NOMO3: variants seen among roughly 807,000 people sequenced by gnomAD.
The protein encoded by NOMO3 is BOS complex subunit NOMO3.
A neutral mutation model predicts 69.9 loss-of-function variants in NOMO3; 15 were observed. The observed-to-expected ratio is 0.21, with a 90% confidence interval of 0.14 to 0.33. NOMO3 has a LOEUF of 0.33. NOMO3 is among the 10% of genes least tolerant of loss of function. NOMO3 has a pLI of 1.00. For missense variants in NOMO3, 218 were observed against 761.0 expected, an observed-to-expected ratio of 0.29 and a Z score of 8.39; for synonymous variants, 89 against 301.9, an observed-to-expected ratio of 0.29 and a Z score of 7.31.
intron 15 of NOMO3, among the ~76,000 whole-genome samples, chr16:16,266,302 T>C (rs1326232057): frequency 7.5e-6 from 1 of 132,808 alleles, no homozygotes; most frequent in Non-Finnish European, 1.5e-5. Context: ...TCGATTAATA[T>C]CCGGTTCATA....
At position 16,255,705 on chromosome 16, in the gene NOMO3, T is replaced by G; in HGVS notation, c.964-15T>G. ...AGGAGCACCTTCGAGCACCTTCTTGTTCTTTGTTTTCTAGCCCGTGTTCCA... is the reference window on the plus strand; with the variant it reads ...AGGAGCACCTTCGAGCACCTTCTTGGTCTTTGTTTTCTAGCCCGTGTTCCA... On this transcript the variant is annotated splice_polypyrimidine_tract_variant and intron_variant, in intron 9 of 30. Transcript: ENST00000399336. 1 of 1,593,094 alleles carries G rather than the reference T, an allele frequency of 6.3e-7. No individual in the cohort carries two copies. Among genetic ancestry groups the G allele is most frequent in the Non-Finnish European group, 8.5e-7 (1 of 1,178,030 alleles).
chr16:16,258,409 A>T (rs1409084731), intron 11 of NOMO3, among the ~76,000 whole-genome samples: 1 of 135,648 alleles, frequency 7.4e-6, no homozygotes, highest in Non-Finnish European at 1.5e-5. Flanking sequence ...GATCTTCCCT[A>T]GTAGAGAAGC....
chr16:16,242,202 TGTG>T (rs2049379513), intron 3 of NOMO3, among the ~76,000 whole-genome samples: 1 of 52,944 alleles, frequency 1.9e-5, no homozygotes, highest in African/African-American at 1.1e-4. Context: ...TTGGAGTCTT[TGTG>T]TGTGTGTGTG....
At chr16:16,257,733 G>A (rs1216782545) in intron 11 of NOMO3, among the ~76,000 whole-genome samples, 2 of 143,504 alleles carry the variant, frequency 1.4e-5, no homozygotes, top group African/African-American at 5.7e-5. Context: ...AGGGAGCTGG[G>A]CCCTGGTGAA....
chr16:16,238,072 A>G (rs2141246170), intron 2 of NOMO3, among the ~76,000 whole-genome samples: 3 of 138,048 alleles, frequency 2.2e-5, no homozygotes, highest in South Asian at 4.7e-4. Flanking sequence ...GTCAATACAC[A>G]TAGTTTTGAT....
chr16:16,265,670 A>ATTT (rs59243746), intron 15 of NOMO3, among the ~76,000 whole-genome samples: 202 of 16,722 alleles, frequency 0.012, 23 homozygotes, highest in East Asian at 0.02. Context: ...ATATATATAT[A>ATTT]TTTTTTTTTT....
At chr16:16,265,215 G>A (rs2049601091) in intron 15 of NOMO3, 36 bp downstream of exon 15, 2 of 1,588,764 alleles carry the variant, frequency 1.3e-6, no homozygotes, top group Non-Finnish European at 1.7e-6. Flanking sequence ...ATTTGGAAAA[G>A]CGCTTGCCTT....
In NOMO3 at chr16:16,252,828, ATTTTTTTTTT is replaced by A. The variant is rs1180588275; in HGVS notation, c.963+320_963+329del. ...AAAAATTCTTGTCCCTGTGGACCTC[ATTTTTTTTTT>A]TTTTTTTTTTTTTAAGACAGGGTCT... is the stretch of plus-strand genomic sequence containing the variant. On this transcript the variant is annotated intron_variant, in intron 9 of 30. Transcript: ENST00000399336. Among the ~76,000 whole-genome samples, 43 of 66,676 alleles carry A rather than the reference ATTTTTTTTTT, an allele frequency of 6.4e-4. 4 individuals carry two copies. The South Asian group carries it at 0.017, about 26-fold the overall frequency. The allele number at this position is 66,676 out of a possible 152,430, so 43.7% of individuals were successfully genotyped here. A position where few individuals can be genotyped will look rare whatever the true frequency, so the allele number is the denominator to read the frequency against.
Position 16,237,732 on chromosome 16 carries a change from T to C in NOMO3, c.255+742T>C, listed in dbSNP as rs1341625522. 1.4e-5 allele frequency among the ~76,000 whole-genome samples: 2 copies of C among 143,926 alleles called. 1 individual carries two copies. Among genetic ancestry groups the C allele is most frequent in the African/African-American group, 5.6e-5 (2 of 35,612 alleles). The allele number at this position is 143,926 out of a possible 152,430, so 94.4% of individuals were successfully genotyped here. A position where few individuals can be genotyped will look rare whatever the true frequency, so the allele number is the denominator to read the frequency against. ...CCCAGCTAATGTTTTGTATTTTTAA[T>C]AGTGATGGGGTTTTGCCATGTTGGC... On this transcript the variant is annotated intron_variant, in intron 2 of 30. Transcript: ENST00000399336.
At chr16:16,239,038 A>G (rs2049353619) in intron 2 of NOMO3, among the ~76,000 whole-genome samples, 1 of 139,420 alleles carries the variant, frequency 7.2e-6, no homozygotes, top group Admixed American at 7.0e-5. Context: ...AGATCGCACC[A>G]CTTCACTCCA....
At position 16,269,578 on chromosome 16, in the gene NOMO3, A is replaced by G. The variant is rs541704715; in HGVS notation, c.1895-543A>G. ...GATGATTTGGGGGAAATACATTGTT[A>G]TTCCTTGTATCTTCCTGAAATTGAC... On this transcript the variant is annotated intron_variant, in intron 16 of 30. Transcript: ENST00000399336. 6.4e-4 allele frequency among the ~76,000 whole-genome samples: 89 copies of G among 139,636 alleles called. 3 individuals are homozygous for G. The highest frequency in any genetic ancestry group is 6.2e-3 in the Admixed American group (89 of 14,412). The allele number at this position is 139,636 out of a possible 152,430, so 91.6% of individuals were successfully genotyped here. A position where few individuals can be genotyped will look rare whatever the true frequency, so the allele number is the denominator to read the frequency against.
intron 16 of NOMO3, among the ~76,000 whole-genome samples, chr16:16,267,677 G>A (rs1391198726): frequency 9.2e-5 from 13 of 141,762 alleles, no homozygotes; most frequent in South Asian, 2.2e-4. Flanking sequence ...AAAGTGATCC[G>A]CCCGCCTCAG....
chr16:16,243,493 C>A (rs2049391252), intron 4 of NOMO3, among the ~76,000 whole-genome samples: 2 of 143,074 alleles, frequency 1.4e-5, no homozygotes, highest in South Asian at 4.5e-4. Flanking sequence ...AGAGCATAGG[C>A]TGTTGGTGTT....
chr16:16,256,163 G>A lies in NOMO3; in HGVS notation c.1220+5G>A. The stretch of plus-strand genomic sequence containing the variant: ...GGCTGACATTGTTGCAACAGGGTAA[G>A]CTTATCGTGTGGATTTGGAAGCACC... On this transcript the variant is annotated splice_donor_5th_base_variant and intron_variant, in intron 11 of 30. Transcript: ENST00000399336. 1 of 1,588,064 alleles carries A rather than the reference G, an allele frequency of 6.3e-7. No homozygotes were observed. Among genetic ancestry groups the A allele is most frequent in the Non-Finnish European group, 8.5e-7 (1 of 1,175,074 alleles).
chr16:16,258,170 G>T (rs1320485188), intron 11 of NOMO3, among the ~76,000 whole-genome samples: 1 of 142,636 alleles, frequency 7.0e-6, no homozygotes, highest in Non-Finnish European at 1.5e-5. Context: ...GCAAAAATTA[G>T]CTAGTTTCAT....
chr16:16,244,514 T>A (rs2049401664), intron 4 of NOMO3, among the ~76,000 whole-genome samples: 1 of 92,810 alleles, frequency 1.1e-5, no homozygotes, highest in African/African-American at 5.7e-5. Context: ...ACATTTACTT[T>A]TTTTTTTTTT....
At chr16:16,259,281 C>CT (rs1385837534) in intron 11 of NOMO3, among the ~76,000 whole-genome samples, 2 of 144,406 alleles carry the variant, frequency 1.4e-5, no homozygotes, top group Non-Finnish European at 1.5e-5. Context: ...GGAAAAATCT[C>CT]TTTTTTTTAA....
At chr16:16,261,429 T>A in intron 11 of NOMO3, 73 bp from the exon 12 acceptor site, 1 of 1,531,304 alleles carries the variant, frequency 6.5e-7, no homozygotes, top group Non-Finnish European at 8.8e-7. Flanking sequence ...GGGCTGCATC[T>A]TTTTTGGTCG....
chr16:16,274,190 C>T (rs1596818341), intron 20 of NOMO3, 115 bp downstream of exon 20: 1 of 791,486 alleles, frequency 1.3e-6, no homozygotes, highest in Non-Finnish European at 2.0e-6. Context: ...AGCCACCTTA[C>T]ATCCTCTCTG....
Sources: allele counts gnomAD v4.1 joint callset (sites outside exome capture counted in the v4.1 genomes callset), GRCh38; gene constraint gnomAD v4.1.1; transcripts MANE v1.5; gene names NCBI Gene and HGNC (gene_info 2026-07-23, HGNC 2026-07-21).